GRM7: variants seen among roughly 807,000 people sequenced by gnomAD.
GRM7 encodes metabotropic glutamate receptor 7.
GRM7 carries 35 observed loss-of-function variants against 84.5 expected under a neutral mutation model. The observed-to-expected ratio is 0.41, with a 90% CI of 0.32 to 0.55. GRM7 has a LOEUF of 0.55. Among genes scored for constraint, GRM7 ranks in the 20% least tolerant of loss-of-function variants. The probability of loss-of-function intolerance (pLI) is 0.19; values close to 1 mark genes in which losing one functional copy is unlikely to be tolerated. For missense variants in GRM7, 1,003 were observed against 1,194.6 expected, an observed-to-expected ratio of 0.84 and a Z score of 2.36; for synonymous variants, 487 against 455.1, an observed-to-expected ratio of 1.07 and a Z score of -0.89.
chr3:7,533,946 A>G (rs910310111), intron 7 of GRM7, among the ~76,000 whole-genome samples: 2 of 151,896 alleles, frequency 1.3e-5, no homozygotes. Flanking sequence ...TACCATGCTC[A>G]TACAGCAAAC....
intron 1 of GRM7, among the ~76,000 whole-genome samples, chr3:7,043,982 G>A (rs74575398): frequency 0.037 from 5,663 of 152,174 alleles, 201 homozygotes; most frequent in East Asian, 0.087. Context: ...CCTGGTTCAA[G>A]CTTTTGCATT....
intron 1 of GRM7, among the ~76,000 whole-genome samples, chr3:7,108,069 G>A (rs920398450): frequency 2.0e-5 from 3 of 152,076 alleles, no homozygotes; most frequent in Non-Finnish European, 4.4e-5. Flanking sequence ...ACTGTACCAA[G>A]CAATGGGGTT....
intron 1 of GRM7, among the ~76,000 whole-genome samples, chr3:6,991,823 A>G (rs1694647062): frequency 6.6e-6 from 1 of 152,166 alleles, no homozygotes; most frequent in African/African-American, 2.4e-5. Context: ...AATTTCAAGT[A>G]TATAATACAG....
At chr3:7,455,570 A>G (rs936791786) in intron 6 of GRM7, among the ~76,000 whole-genome samples, 1 of 151,980 alleles carries the variant, frequency 6.6e-6, no homozygotes, top group African/African-American at 2.4e-5. Flanking sequence ...CCTACCTTAA[A>G]TCTAATTTTA....
chr3:7,668,445 TCTCCTC>T (rs1465141070), intron 8 of GRM7, among the ~76,000 whole-genome samples: 2 of 152,210 alleles, frequency 1.3e-5, no homozygotes, highest in East Asian at 3.8e-4. Flanking sequence ...CACTACTCTC[TCTCCTC>T]CTCCTCCCTT....
chr3:7,547,455 C>G (rs991827868), intron 7 of GRM7, among the ~76,000 whole-genome samples: 2 of 152,120 alleles, frequency 1.3e-5, no homozygotes, highest in East Asian at 3.9e-4. Flanking sequence ...ATCTGCCCGC[C>G]TCGGCCTCCC....
At chr3:7,258,914 G>A (rs7610073) in intron 2 of GRM7, among the ~76,000 whole-genome samples, 120,931 of 152,222 alleles carry the variant, frequency 0.79, 48,784 homozygotes, top group East Asian at 0.97. Context: ...AATCCAAGAT[G>A]AGCGTGGAAA....
At chr3:7,205,698 CACGGGGAA>C (rs956179268) in intron 2 of GRM7, among the ~76,000 whole-genome samples, 1 of 152,032 alleles carries the variant, frequency 6.6e-6, no homozygotes, top group African/African-American at 2.4e-5. Context: ...GGTGATTCAC[CACGGGGAA>C]GCAGGGAAGG....
intron 9 of GRM7, among the ~76,000 whole-genome samples, chr3:7,702,872 C>T (rs1279984910): frequency 1.3e-5 from 2 of 151,948 alleles, no homozygotes; most frequent in East Asian, 1.9e-4. Context: ...TTAAAAAATA[C>T]ACTGAAATAC....
intron 1 of GRM7, among the ~76,000 whole-genome samples, chr3:7,021,469 T>C (rs1695772379): frequency 1.3e-5 from 2 of 152,214 alleles, no homozygotes; most frequent in Non-Finnish European, 2.9e-5. Context: ...AGGTCACTTA[T>C]GTGGTAATTG....
chr3:7,536,170 C>T (rs556666790), intron 7 of GRM7, among the ~76,000 whole-genome samples: 1 of 152,254 alleles, frequency 6.6e-6, no homozygotes, highest in African/African-American at 2.4e-5. Context: ...CTGAAGTCTG[C>T]TCCTTTTTAG....
intron 4 of GRM7, among the ~76,000 whole-genome samples, chr3:7,405,750 G>A (rs1695647749): frequency 6.6e-6 from 1 of 151,906 alleles, no homozygotes; most frequent in Admixed American, 6.6e-5. Flanking sequence ...TGTTTTATGT[G>A]GCATGTGTCT....
chr3:7,396,470 T>A (rs996262415), intron 4 of GRM7, among the ~76,000 whole-genome samples: 1 of 152,206 alleles, frequency 6.6e-6, no homozygotes, highest in Admixed American at 6.5e-5. Flanking sequence ...CAATAAGTTT[T>A]CATCTTCTGC....
intron 1 of GRM7, among the ~76,000 whole-genome samples, chr3:7,003,781 C>A (rs1431560347): frequency 6.6e-6 from 1 of 152,160 alleles, no homozygotes; most frequent in African/African-American, 2.4e-5. Flanking sequence ...TTAAATGTAG[C>A]AGCTTAAAGC....
intron 1 of GRM7, among the ~76,000 whole-genome samples, chr3:6,887,269 G>C (rs1695732958): frequency 6.6e-6 from 1 of 151,608 alleles, no homozygotes. Context: ...TAGGGTACAT[G>C]TGCACAATGT....
At chr3:7,697,727 A>C (rs1391667732) in intron 9 of GRM7, among the ~76,000 whole-genome samples, 1 of 152,204 alleles carries the variant, frequency 6.6e-6, no homozygotes, top group Non-Finnish European at 1.5e-5. Flanking sequence ...GCTACATAGC[A>C]GTTCATGGTG....
intron 1 of GRM7, among the ~76,000 whole-genome samples, chr3:6,950,936 T>A (rs1692729751): frequency 6.6e-6 from 1 of 152,206 alleles, no homozygotes; most frequent in South Asian, 2.1e-4. Flanking sequence ...GTGACCCGAT[T>A]TTCCAGGTGC....
intron 1 of GRM7, among the ~76,000 whole-genome samples, chr3:6,941,933 C>T (rs192604848): frequency 6.6e-5 from 10 of 152,092 alleles, no homozygotes; most frequent in Non-Finnish European, 1.3e-4. Context: ...CCGTTTTAGT[C>T]GTATGAACAG....
chr3:7,236,426 A>G (rs982321655), intron 2 of GRM7, among the ~76,000 whole-genome samples: 3 of 152,172 alleles, frequency 2.0e-5, no homozygotes, highest in African/African-American at 4.8e-5. Flanking sequence ...CTAATTTTAC[A>G]TGGCTTCCTA....
Sources: gnomAD v4.1 joint callset for allele counts (sites outside exome capture counted in the v4.1 genomes callset) on GRCh38, gnomAD v4.1.1 for gene constraint, MANE v1.5 for transcripts, NCBI Gene and HGNC (gene_info 2026-07-23, HGNC 2026-07-21) for gene names.